The following UCN3 variants were observed in gnomAD, a reference collection of about 807,000 sequenced individuals.
UCN3 encodes the protein urocortin-3.
A neutral mutation model predicts 3.6 loss-of-function variants in UCN3; 3 were observed. The ratio of observed to expected loss-of-function variants is 0.83; its 90% CI spans 0.38 to 2.15. UCN3 has a LOEUF of 2.15. Ranked by LOEUF, UCN3 falls within the 30% of genes most tolerant of loss-of-function variation. UCN3 has a pLI of 0.06. For synonymous variants in UCN3, 100 were observed against 93.2 expected (o/e 1.07, Z -0.42); for missense variants, 206 against 208.3 (o/e 0.99, Z 0.07).
chr10:5,370,539 GCGTGTATATGTGTGTATA>G (rs1831373900), intron 1 of UCN3, among the ~76,000 whole-genome samples: 1 of 102,798 alleles, frequency 9.7e-6, no homozygotes, highest in African/African-American at 4.2e-5. Flanking sequence ...GTGTGTATAT[GCGTGTATATGTGTGTATA>G]TGTGTGTGTA....
At chr10:5,372,003 C>T (rs1831435153) in intron 1 of UCN3, among the ~76,000 whole-genome samples, 1 of 152,232 alleles carries the variant, frequency 6.6e-6, no homozygotes, top group South Asian at 2.1e-4. Flanking sequence ...CATCCTCACA[C>T]CGCAATGAGA....
rs1554811812 is a variant in UCN3 at position 5,374,129 on chromosome 10, A to C, written c.409A>C (p.Ile137Leu). The change falls in exon 2 of 2, where the codon ATC (isoleucine) becomes CTC (leucine). Residue 137 changes from isoleucine to leucine, a missense_variant. Coordinates refer to ENST00000380433, the MANE Select transcript of UCN3 (RefSeq NM_053049.4). ...CAACATCATGAACCTCCTCTTCAAC[A>C]TCGCCAAGGCCAAGAACCTGCGTGC... is the stretch of plus-strand genomic sequence containing the variant. ...PTNIMNLLFN[I>L]AKAKNLRAQA... is the part of the protein sequence containing the mutation. The C allele has an allele frequency of 6.2e-7, 1 of 1,613,078 alleles. No homozygotes were observed. Among genetic ancestry groups the C allele is most frequent in the African/African-American group, 1.3e-5 (1 of 74,666 alleles).
rs868960592 is a variant in UCN3, at chr10:5,369,864, T to G, written c.-6-3851T>G. Among the ~76,000 whole-genome samples, 419 of 138,232 alleles carry G rather than the reference T, an allele frequency of 3.0e-3. 29 individuals are homozygous for G. Among genetic ancestry groups the G allele is most frequent in the African/African-American group, 0.013 (402 of 31,952 alleles). 90.7% of individuals were successfully genotyped at this position (138,232 alleles called of 152,430 possible). A position where few individuals can be genotyped will look rare whatever the true frequency, so the allele number is the denominator to read the frequency against. ...CTGGGTAAACATTTATCCACGTGGG[T>G]GTGTGTGTATATGTGTGTGTATATG... On this transcript the variant is annotated intron_variant, in intron 1 of 1. Coordinates refer to ENST00000380433, the MANE Select transcript of UCN3 (RefSeq NM_053049.4).
chr10:5,372,030 G>C (rs782434660), intron 1 of UCN3, among the ~76,000 whole-genome samples: 1 of 152,220 alleles, frequency 6.6e-6, no homozygotes, highest in Non-Finnish European at 1.5e-5. Context: ...GCATGTCGGG[G>C]TGTGAGCGGG....
rs1304195982 is a variant in UCN3 at position 5,367,051 on chromosome 10, G to A, written c.-7+1821G>A. On this transcript the variant is annotated intron_variant, in intron 1 of 1. Transcript: ENST00000380433. This position sits in a 1 kb window ranked among gnomAD's most constrained non-coding sequence, Gnocchi z 4.3. ...TTAAAAGGCACAGTATTTACAAATTGACCCCAAAAATGTGAAAAAGTAAAT... is the reference window on the plus strand; with the variant it reads ...TTAAAAGGCACAGTATTTACAAATTAACCCCAAAAATGTGAAAAAGTAAAT... 6.6e-6 allele frequency among the ~76,000 whole-genome samples: 1 copy of A among 152,096 alleles called. No individual in the cohort carries two copies. Among genetic ancestry groups the A allele is most frequent in the African/African-American group, 2.4e-5 (1 of 41,384 alleles).
rs375895492 is a variant in UCN3 at position 5,374,067 on chromosome 10, A to G, written c.347A>G (p.His116Arg). 1.7e-5 allele frequency: 27 copies of G among 1,613,486 alleles called. No homozygotes were observed. The highest frequency in any genetic ancestry group is 2.1e-5 in the Non-Finnish European group (25 of 1,179,808). Residue 116 changes from histidine to arginine, a missense_variant, in exon 2 of 2, where the codon CAC becomes CGC. By Grantham distance (29) the His-to-Arg change is conservative. Transcript: ENST00000380433. ...CGCCAGGACACGGCCAAGAGTCCCCACCGCACCAAGTTCACCCTGTCCCTC... is the reference window on the plus strand; with the variant it reads ...CGCCAGGACACGGCCAAGAGTCCCCGCCGCACCAAGTTCACCCTGTCCCTC... ...KPRQDTAKSP[H>R]RTKFTLSLDV... is the part of the protein sequence containing the mutation.
chr10:5,370,643 ATATGTGTGTG>A (rs1238566095), intron 1 of UCN3, among the ~76,000 whole-genome samples: 741 of 39,946 alleles, frequency 0.019, 45 homozygotes, highest in African/African-American at 0.061. Context: ...ATGTGTGTGT[ATATGTGTGTG>A]TATGTGTGTG....
Position 5,364,985 on chromosome 10 carries a change from C to T in UCN3, c.-252C>T, listed in dbSNP as rs1554810600. 1 of 152,066 alleles carries T rather than the reference C, an allele frequency of 6.6e-6. No individual in the cohort carries two copies. The highest frequency in any genetic ancestry group is 2.4e-5 in the African/African-American group (1 of 41,394). 9.4% of individuals were successfully genotyped at this position (152,066 alleles called of 1,614,324 possible). ...TATTTTAAATGAAATCTCATCCCAG[C>T]GTAGACACCACGTCTGGAATTACGA... On this transcript the variant is annotated 5_prime_UTR_variant, in exon 1 of 2. Coordinates refer to ENST00000380433, the MANE Select transcript of UCN3 (RefSeq NM_053049.4).
intron 1 of UCN3, among the ~76,000 whole-genome samples, chr10:5,372,108 T>C (rs1006014486): frequency 2.6e-5 from 4 of 152,218 alleles, no homozygotes; most frequent in Non-Finnish European, 4.4e-5. Flanking sequence ...CCCCTCACTG[T>C]TTCATCCTTG....
intron 1 of UCN3, among the ~76,000 whole-genome samples, chr10:5,372,281 G>A (rs1214914162): frequency 6.6e-6 from 1 of 152,120 alleles, no homozygotes; most frequent in African/African-American, 2.4e-5. Flanking sequence ...ATATCCTCAG[G>A]GACAGTGGCC....
At position 5,370,661 on chromosome 10, in the gene UCN3, GTGTA is replaced by G. The variant is rs1421645458; in HGVS notation, c.-6-3050_-6-3047del. ...TGTGTGTATATGTGTGTGTATGTGT[GTGTA>G]TGTGTGTGTATGTGTGTGTGTATGT... is the stretch of plus-strand genomic sequence containing the variant. On this transcript the variant is annotated intron_variant, in intron 1 of 1. Transcript: ENST00000380433. 1.3e-4 allele frequency among the ~76,000 whole-genome samples: 10 copies of G among 74,232 alleles called. 1 individual carries two copies. Among genetic ancestry groups the G allele is most frequent in the African/African-American group, 3.6e-4 (6 of 16,622 alleles). The allele number at this position is 74,232 out of a possible 152,430, so 48.7% of individuals were successfully genotyped here.
chr10:5,373,020 T>C (rs183250234), intron 1 of UCN3, among the ~76,000 whole-genome samples: 159 of 152,232 alleles, frequency 1.0e-3, no homozygotes, highest in African/African-American at 3.6e-3. Flanking sequence ...TAGACAGTGT[T>C]GGCATTGAGG....
chr10:5,370,768 TGTGTATATGC>T lies in UCN3; in HGVS notation c.-6-2942_-6-2933del, dbSNP rs1435455889. Among the ~76,000 whole-genome samples the T allele has an allele frequency of 6.5e-3, 923 of 142,268 alleles. 17 individuals are homozygous for T. The highest frequency in any genetic ancestry group is 9.7e-3 in the Non-Finnish European group (639 of 66,158). The allele number at this position is 142,268 out of a possible 152,430, so 93.3% of individuals were successfully genotyped here. On this transcript the variant is annotated intron_variant, in intron 1 of 1. Coordinates refer to ENST00000380433, the MANE Select transcript of UCN3 (RefSeq NM_053049.4). ...TGTATATGATGTGTGTGTATATGCG[TGTGTATATGC>T]GTGTGTGTGTGTATGCGTGTGTATA... is the stretch of plus-strand genomic sequence containing the variant.
In UCN3 at chr10:5,374,290, G is replaced by C. The variant is rs537871004; in HGVS notation, c.*84G>C. 1 of 900,692 alleles carries C rather than the reference G, an allele frequency of 1.1e-6. No homozygotes were observed. Among genetic ancestry groups the C allele is most frequent in the Admixed American group, 2.6e-5 (1 of 38,266 alleles). 55.8% of individuals were successfully genotyped at this position (900,692 alleles called of 1,614,324 possible). A position where few individuals can be genotyped will look rare whatever the true frequency, so the allele number is the denominator to read the frequency against. On this transcript the variant is annotated 3_prime_UTR_variant, in exon 2 of 2. Transcript: ENST00000380433. ...GGGCGAGGGGGGGAGGGGAGGGGGA[G>C]GGTGCTGTCTGCTGGTTTGTGTTTT...
At chr10:5,370,104 T>TGTGTATATGC (rs1831337959) in intron 1 of UCN3, among the ~76,000 whole-genome samples, 1 of 99,896 alleles carries the variant, frequency 1.0e-5, no homozygotes, top group African/African-American at 5.1e-5. Flanking sequence ...TGTATATGCG[T>TGTGTATATGC]GTGTATATGT....
In UCN3 at chr10:5,374,222, G is replaced by A. The variant is rs532850290; in HGVS notation, c.*16G>A. The A allele has an allele frequency of 2.5e-5, 38 of 1,546,900 alleles. No individual in the cohort carries two copies. In the East Asian group the frequency reaches 6.0e-4, roughly 25 times the overall value. ...GAAGAAGTAGAGGCGGAGGCTGGACGGGAGGGCAGCGGGGTGGGGAGGGGG... is the reference window on the plus strand; with the variant it reads ...GAAGAAGTAGAGGCGGAGGCTGGACAGGAGGGCAGCGGGGTGGGGAGGGGG... On this transcript the variant is annotated 3_prime_UTR_variant, in exon 2 of 2. Coordinates refer to ENST00000380433, the MANE Select transcript of UCN3 (RefSeq NM_053049.4).
chr10:5,372,062 T>G (rs1554811603), intron 1 of UCN3, among the ~76,000 whole-genome samples: 3 of 152,212 alleles, frequency 2.0e-5, no homozygotes, highest in African/African-American at 7.2e-5. Context: ...GCAGCCGTGC[T>G]TTCTCTAGGT....
chr10:5,368,516 C>A (rs1831286565), intron 1 of UCN3, among the ~76,000 whole-genome samples: 1 of 152,054 alleles, frequency 6.6e-6, no homozygotes, highest in Non-Finnish European at 1.5e-5. Flanking sequence ...TAGGCATGAG[C>A]TAGTGAGTGG....
intron 1 of UCN3, among the ~76,000 whole-genome samples, chr10:5,369,862 G>GTGTGTGTGTGTGTGTGTCTATATAT (rs1554811024): frequency 1.0e-5 from 1 of 99,520 alleles, no homozygotes; most frequent in African/African-American, 3.8e-5. Context: ...TATCCACGTG[G>GTGTGTGTGTGTGTGTGTCTATATAT]GTGTGTGTGT....
Sources: gnomAD v4.1 joint callset for allele counts (sites outside exome capture counted in the v4.1 genomes callset) on GRCh38, gnomAD v4.1.1 for gene constraint, Gnocchi (gnomAD v3.1) non-coding constraint, MANE v1.5 for transcripts, NCBI Gene and HGNC (gene_info 2026-07-23, HGNC 2026-07-21) for gene names.